The following TBC1D22A variants were observed in gnomAD, a reference collection of about 807,000 sequenced individuals.
TBC1D22A encodes the protein putative GTPase activator.
Under a neutral mutation model 60.2 loss-of-function variants are expected in TBC1D22A, and 38 were observed. That is an observed-to-expected ratio of 0.63 (90% confidence interval 0.49 to 0.83). The LOEUF (loss-of-function observed/expected upper bound fraction) is 0.83. Ranked by LOEUF, TBC1D22A falls within the 40% of genes least tolerant of loss-of-function variation. TBC1D22A has a pLI of 0.00. For synonymous variants in TBC1D22A, 302 were observed against 281.7 expected, an observed-to-expected ratio of 1.07 and a Z score of -0.72; for missense variants, 628 against 701.0, an observed-to-expected ratio of 0.90 and a Z score of 1.18.
At chr22:47,036,537 C>T (rs550054613) in intron 10 of TBC1D22A, among the ~76,000 whole-genome samples, 9 of 152,330 alleles carry the variant, frequency 5.9e-5, no homozygotes, top group African/African-American at 2.2e-4. Flanking sequence ...GGGGTGTCCC[C>T]ATCCTGCAGT....
At chr22:47,014,670 G>A (rs571205866) in intron 10 of TBC1D22A, among the ~76,000 whole-genome samples, 13 of 152,326 alleles carry the variant, frequency 8.5e-5, no homozygotes, top group Admixed American at 1.3e-4. Context: ...GGCTGAGAGG[G>A]GACTCTTGTC....
At chr22:47,132,936 T>C (rs544589539) in intron 12 of TBC1D22A, among the ~76,000 whole-genome samples, 5 of 152,308 alleles carry the variant, frequency 3.3e-5, no homozygotes, top group African/African-American at 1.2e-4. Context: ...TGGAGTTCAT[T>C]TGGAGATTTC....
chr22:47,019,820 C>T (rs1232883637), intron 10 of TBC1D22A, among the ~76,000 whole-genome samples: 2 of 150,788 alleles, frequency 1.3e-5, no homozygotes, highest in Non-Finnish European at 3.0e-5. Context: ...TCCTTCGCTT[C>T]TCCCTTAACC....
At chr22:47,143,633 G>A (rs1299334426) in intron 12 of TBC1D22A, among the ~76,000 whole-genome samples, 1 of 152,194 alleles carries the variant, frequency 6.6e-6, no homozygotes, top group African/African-American at 2.4e-5. Flanking sequence ...TCTTTCCAGT[G>A]GGCAGCCCTG....
chr22:46,963,700 ACATGG>A lies in TBC1D22A; in HGVS notation c.1016-10589_1016-10585del, dbSNP rs1190303128. Among the ~76,000 whole-genome samples the A allele has an allele frequency of 2.6e-5, 4 of 152,294 alleles. No individual in the cohort carries two copies. The East Asian group carries it at 5.8e-4, about 22-fold the overall frequency. On this transcript the variant is annotated intron_variant, in intron 8 of 12. Transcript: ENST00000337137. Reference sequence around the variant, plus strand: ...GGGCCCAGGTGCCACTCCGGGCAGGACATGGGGTCTTTGGGCTGAGCAGGCTCTTC... The same window carrying A: ...GGGCCCAGGTGCCACTCCGGGCAGGAGGTCTTTGGGCTGAGCAGGCTCTTC...
In TBC1D22A at chr22:47,140,675, G is replaced by A. The variant is rs560057026; in HGVS notation, c.1425+29072G>A. ...CTTGGCAGCCAGCCAGGCCTGCAGG[G>A]GATGCCTGCCCCTGCCTTTGCTCCT... On this transcript the variant is annotated intron_variant, in intron 12 of 12. Transcript: ENST00000337137. Among the ~76,000 whole-genome samples the A allele has an allele frequency of 3.1e-4, 47 of 152,358 alleles. No individual in the cohort carries two copies. In the East Asian group the frequency reaches 8.1e-3, roughly 26 times the overall value.
intron 11 of TBC1D22A, among the ~76,000 whole-genome samples, chr22:47,089,835 T>G (rs979727735): frequency 6.6e-6 from 1 of 152,206 alleles, no homozygotes; most frequent in Admixed American, 6.5e-5. Flanking sequence ...AATAAGACTT[T>G]TATTCACAAG....
intron 12 of TBC1D22A, among the ~76,000 whole-genome samples, chr22:47,145,821 C>G (rs911822449): frequency 6.6e-6 from 1 of 152,138 alleles, no homozygotes; most frequent in East Asian, 1.9e-4. Context: ...CAGCCTGGGT[C>G]GGCCTCAGCC....
chr22:47,038,466 TAGGGAGGGCCTGGGGGTCATTCTGACC>T (rs2062729877), intron 11 of TBC1D22A, among the ~76,000 whole-genome samples: 1 of 152,164 alleles, frequency 6.6e-6, no homozygotes, highest in Non-Finnish European at 1.5e-5. Context: ...ACAGAGCAGC[TAGGGAGGGCCTGGGGGTCATTCTGACC>T]AGCTGCTCCC....
intron 11 of TBC1D22A, among the ~76,000 whole-genome samples, chr22:47,041,634 C>T (rs545722549): frequency 5.9e-5 from 9 of 152,302 alleles, no homozygotes; most frequent in South Asian, 4.1e-4. Context: ...GGATGGAGGG[C>T]GTTTCTGCCC....
chr22:46,791,340 T>C (rs533717631), intron 1 of TBC1D22A, among the ~76,000 whole-genome samples: 17 of 152,316 alleles, frequency 1.1e-4, no homozygotes, highest in African/African-American at 4.1e-4. Flanking sequence ...TGTCTGGTAG[T>C]CTGTGGTGAG....
intron 4 of TBC1D22A, among the ~76,000 whole-genome samples, chr22:46,865,204 G>T (rs1360344592): frequency 6.6e-6 from 1 of 152,098 alleles, no homozygotes; most frequent in East Asian, 1.9e-4. Context: ...CTTATTTCTT[G>T]CAGGCACCAC....
At chr22:46,940,135 T>G (rs1296517799) in intron 8 of TBC1D22A, among the ~76,000 whole-genome samples, 1 of 152,220 alleles carries the variant, frequency 6.6e-6, no homozygotes, top group African/African-American at 2.4e-5. Flanking sequence ...AATATATGTT[T>G]CAAACAGCAG....
chr22:47,002,336 A>G (rs1212289874), intron 10 of TBC1D22A, among the ~76,000 whole-genome samples: 1 of 152,222 alleles, frequency 6.6e-6, no homozygotes, highest in Non-Finnish European at 1.5e-5. Flanking sequence ...TTTGTCCCCA[A>G]GATAGAATGG....
intron 1 of TBC1D22A, among the ~76,000 whole-genome samples, chr22:46,789,743 A>G (rs967449984): frequency 6.6e-6 from 1 of 152,236 alleles, no homozygotes; most frequent in African/African-American, 2.4e-5. Flanking sequence ...GGGTGAAAGG[A>G]GAGGTTACTG....
chr22:46,762,698 G>A lies in TBC1D22A; in HGVS notation c.-89G>A, dbSNP rs978032466. 8.3e-6 allele frequency: 10 copies of A among 1,200,216 alleles called. No homozygotes were observed. The highest frequency in any genetic ancestry group is 6.5e-5 in the African/African-American group (4 of 61,920). The allele number at this position is 1,200,216 out of a possible 1,614,324, so 74.3% of individuals were successfully genotyped here. On this transcript the variant is annotated 5_prime_UTR_variant, in exon 1 of 13. Transcript: ENST00000337137. ...TCTGGAGTCCCGGGAGCAGTGAGGG[G>A]CCACCCGGGGCACAGGAAAGGGCCG... is the stretch of plus-strand genomic sequence containing the variant.
At chr22:46,893,712 A>G (rs1810633802) in intron 6 of TBC1D22A, among the ~76,000 whole-genome samples, 1 of 152,214 alleles carries the variant, frequency 6.6e-6, no homozygotes, top group African/African-American at 2.4e-5. Flanking sequence ...GCATGGGGCC[A>G]GCTTCAGTCC....
At chr22:47,053,197 C>T (rs1274124299) in intron 11 of TBC1D22A, among the ~76,000 whole-genome samples, 1 of 152,230 alleles carries the variant, frequency 6.6e-6, no homozygotes, top group African/African-American at 2.4e-5. Flanking sequence ...TCCTGCGTGT[C>T]CCCTCCGGCC....
intron 12 of TBC1D22A, among the ~76,000 whole-genome samples, chr22:47,148,346 A>G (rs2067364688): frequency 6.6e-6 from 1 of 152,166 alleles, no homozygotes. Context: ...TAAAAAAAAA[A>G]AAAAACAGAA....
Sources: gnomAD v4.1 joint callset for allele counts (sites outside exome capture counted in the v4.1 genomes callset) on GRCh38, gnomAD v4.1.1 for gene constraint, MANE v1.5 for transcripts, NCBI Gene and HGNC (gene_info 2026-07-23, HGNC 2026-07-21) for gene names.